The following TCERG1L variants were observed in gnomAD, a reference collection of about 807,000 sequenced individuals.
TCERG1L encodes the protein transcription elongation regulator 1 like, also known as transcription elongation regulator 1-like protein.
A neutral mutation model predicts 56.3 loss-of-function variants in TCERG1L; 37 were observed. The ratio of observed to expected loss-of-function variants is 0.66; its 90% CI spans 0.51 to 0.87. The LOEUF (loss-of-function observed/expected upper bound fraction) is 0.87, where lower values mean the gene tolerates loss of function less well. Among genes scored for constraint, TCERG1L ranks in the 40% least tolerant of loss-of-function variants. The probability of loss-of-function intolerance (pLI) is 0.00; values close to 1 mark genes in which losing one functional copy is unlikely to be tolerated. For synonymous variants in TCERG1L, 324 were observed against 326.3 expected (o/e 0.99, Z 0.08); for missense variants, 799 against 774.2 (o/e 1.03, Z -0.38).
chr10:131,149,537 G>A (rs961420565), intron 6 of TCERG1L, among the ~76,000 whole-genome samples: 1 of 152,248 alleles, frequency 6.6e-6, no homozygotes, highest in Non-Finnish European at 1.5e-5. Flanking sequence ...TATGAACTCT[G>A]CAGACAGCAT....
chr10:131,292,499 ATAATTT>A (rs1846639989), intron 3 of TCERG1L, among the ~76,000 whole-genome samples: 1 of 152,194 alleles, frequency 6.6e-6, no homozygotes, highest in Non-Finnish European at 1.5e-5. Context: ...ATTTGTCTGT[ATAATTT>A]TAGTTTCCAT....
intron 4 of TCERG1L, among the ~76,000 whole-genome samples, chr10:131,240,779 G>C (rs1402667077): frequency 6.6e-6 from 1 of 152,234 alleles, no homozygotes; most frequent in Non-Finnish European, 1.5e-5. Context: ...GGAAGGAGGG[G>C]GCGCGGAGGG....
chr10:131,189,421 CAT>C (rs1309994963), intron 4 of TCERG1L, among the ~76,000 whole-genome samples: 14 of 152,240 alleles, frequency 9.2e-5, no homozygotes, highest in African/African-American at 3.4e-4. Context: ...TGAGTGAGAA[CAT>C]GTGGTATCTG....
chr10:131,135,934 T>G (rs1845671449), intron 7 of TCERG1L, among the ~76,000 whole-genome samples: 2 of 152,202 alleles, frequency 1.3e-5, no homozygotes, highest in Non-Finnish European at 2.9e-5. Flanking sequence ...TCCTGGCTTT[T>G]CAGCGGCCCC....
intron 4 of TCERG1L, among the ~76,000 whole-genome samples, chr10:131,169,803 T>C (rs966568015): frequency 3.3e-5 from 5 of 152,200 alleles, no homozygotes; most frequent in African/African-American, 7.2e-5. Context: ...TGAAAAACTG[T>C]GTTAGGAACA....
chr10:131,142,496 T>G (rs1381669667), intron 7 of TCERG1L, among the ~76,000 whole-genome samples: 1 of 152,224 alleles, frequency 6.6e-6, no homozygotes, highest in Non-Finnish European at 1.5e-5. Context: ...TTTACATTGG[T>G]CTTGAATATA....
chr10:131,182,250 G>A (rs143937598), intron 4 of TCERG1L, among the ~76,000 whole-genome samples: 19 of 152,280 alleles, frequency 1.2e-4, no homozygotes, highest in African/African-American at 3.9e-4. Flanking sequence ...TCTTGCCTCC[G>A]TAAAAATGCA....
At chr10:131,117,696 C>T (rs868482738) in intron 8 of TCERG1L, among the ~76,000 whole-genome samples, 1 of 152,172 alleles carries the variant, frequency 6.6e-6, no homozygotes, top group African/African-American at 2.4e-5. Flanking sequence ...CACTCCCTTC[C>T]GAACCACACG....
chr10:131,134,926 C>A (rs995077837), intron 7 of TCERG1L, among the ~76,000 whole-genome samples: 1 of 152,208 alleles, frequency 6.6e-6, no homozygotes, highest in African/African-American at 2.4e-5. Context: ...GATTCCCCTA[C>A]CCCACATGTG....
chr10:131,237,085 G>A lies in TCERG1L; in HGVS notation c.856+23174C>T, dbSNP rs534750754. On this transcript the variant is annotated intron_variant, in intron 4 of 11. Coordinates refer to ENST00000368642, the MANE Select transcript of TCERG1L (RefSeq NM_174937.4). ...CCTCCACCTCACCCCATGCCCTGCC[G>A]CTGCCCCTCCCCTCCTTGCTGGCCT... is the stretch of plus-strand genomic sequence containing the variant. Among the ~76,000 whole-genome samples the A allele has an allele frequency of 1.3e-3, 201 of 151,910 alleles. 1 individual carries two copies. The highest frequency in any genetic ancestry group is 3.3e-3 in the Admixed American group (50 of 15,266).
intron 6 of TCERG1L, among the ~76,000 whole-genome samples, chr10:131,153,891 C>G (rs1845892462): frequency 6.6e-6 from 1 of 152,180 alleles, no homozygotes; most frequent in Admixed American, 6.5e-5. Context: ...CTCCTGAGCC[C>G]TGGGGAAATG....
chr10:131,239,512 G>A (rs1564823081), intron 4 of TCERG1L, among the ~76,000 whole-genome samples: 1 of 152,212 alleles, frequency 6.6e-6, no homozygotes, highest in Non-Finnish European at 1.5e-5. Flanking sequence ...AAACAAGTTT[G>A]GTAAAAATCA....
At chr10:131,205,429 T>C (rs967209615) in intron 4 of TCERG1L, among the ~76,000 whole-genome samples, 2 of 152,062 alleles carry the variant, frequency 1.3e-5, no homozygotes, top group Admixed American at 6.6e-5. Context: ...AGTTAGACTC[T>C]GGAAATAGCA....
chr10:131,266,913 G>A (rs1846293181), intron 3 of TCERG1L, among the ~76,000 whole-genome samples: 1 of 152,096 alleles, frequency 6.6e-6, no homozygotes, highest in African/African-American at 2.4e-5. Flanking sequence ...GCTTTTATGG[G>A]CCTCAGAGGG....
At chr10:131,184,616 C>T (rs748462014) in intron 4 of TCERG1L, among the ~76,000 whole-genome samples, 1 of 152,220 alleles carries the variant, frequency 6.6e-6, no homozygotes. Flanking sequence ...AAATGCGTCT[C>T]CAGCAGCTCT....
intron 3 of TCERG1L, among the ~76,000 whole-genome samples, chr10:131,277,350 C>T (rs1564831843): frequency 2.6e-5 from 4 of 152,344 alleles, no homozygotes; most frequent in South Asian, 2.1e-4. Flanking sequence ...TGACAGTGCA[C>T]GCCCACCCCA....
intron 4 of TCERG1L, among the ~76,000 whole-genome samples, chr10:131,231,353 C>T (rs763741965): frequency 2.6e-5 from 4 of 152,194 alleles, no homozygotes; most frequent in Non-Finnish European, 5.9e-5. Flanking sequence ...AAGAGCCTAC[C>T]GTGTGCTTCC....
intron 4 of TCERG1L, among the ~76,000 whole-genome samples, chr10:131,205,704 A>G (rs1465983774): frequency 6.6e-6 from 1 of 152,252 alleles, no homozygotes; most frequent in Non-Finnish European, 1.5e-5. Context: ...CTGGAAAGGC[A>G]GCATGTCCGC....
At chr10:131,223,449 T>C (rs1425153291) in intron 4 of TCERG1L, among the ~76,000 whole-genome samples, 1 of 152,230 alleles carries the variant, frequency 6.6e-6, no homozygotes, top group African/African-American at 2.4e-5. Flanking sequence ...CCCATCCTGA[T>C]GATTCAGATA....
Sources: allele counts gnomAD v4.1 joint callset (sites outside exome capture counted in the v4.1 genomes callset), GRCh38; gene constraint gnomAD v4.1.1; transcripts MANE v1.5; gene names NCBI Gene and HGNC (gene_info 2026-07-23, HGNC 2026-07-21).